ARHGAP15: variants seen among roughly 807,000 people sequenced by gnomAD.
ARHGAP15 encodes the protein Rho GTPase activating protein 15.
ARHGAP15 carries 51 observed loss-of-function variants against 63.7 expected under a neutral mutation model. The observed-to-expected ratio is 0.80, with a 90% CI of 0.64 to 1.01. ARHGAP15 has a LOEUF of 1.01. Ranked by LOEUF, ARHGAP15 falls within the 50% of genes least tolerant of loss-of-function variation. The probability of loss-of-function intolerance (pLI) is 0.00; values close to 1 mark genes in which losing one functional copy is unlikely to be tolerated. For synonymous variants in ARHGAP15, 191 were observed against 193.8 expected (o/e 0.99, Z 0.12); for missense variants, 560 against 564.6 (o/e 0.99, Z 0.08).
chr2:143,306,043 A>G (rs1683153950), intron 6 of ARHGAP15, among the ~76,000 whole-genome samples: 1 of 152,116 alleles, frequency 6.6e-6, no homozygotes, highest in Non-Finnish European at 1.5e-5. Context: ...TTGTTTTTTA[A>G]TTTTGGAAAA....
intron 2 of ARHGAP15, among the ~76,000 whole-genome samples, chr2:143,168,587 T>C (rs541362803): frequency 6.7e-6 from 1 of 150,012 alleles, no homozygotes; most frequent in African/African-American, 2.4e-5. Context: ...GGTGTTCTCT[T>C]GTCATCAAGT....
At chr2:143,234,773 A>G (rs1208457696) in intron 5 of ARHGAP15, among the ~76,000 whole-genome samples, 1 of 152,172 alleles carries the variant, frequency 6.6e-6, no homozygotes, top group Non-Finnish European at 1.5e-5. Context: ...TGATTGACCA[A>G]AGCTCAAATG....
chr2:143,559,962 A>T (rs1359279016), intron 11 of ARHGAP15, among the ~76,000 whole-genome samples: 1 of 152,234 alleles, frequency 6.6e-6, no homozygotes, highest in South Asian at 2.1e-4. Context: ...GGCTCTAAAT[A>T]TACATTTTTA....
At chr2:143,761,159 G>A (rs13392176) in intron 13 of ARHGAP15, among the ~76,000 whole-genome samples, 3,167 of 152,166 alleles carry the variant, frequency 0.021, 127 homozygotes, top group African/African-American at 0.073. Context: ...GATCCCCCCC[G>A]AAATAGTTAT....
Position 143,312,772 on chromosome 2 carries a change from T to G in ARHGAP15, c.474+62172T>G, listed in dbSNP as rs140707037. 2.3e-3 allele frequency among the ~76,000 whole-genome samples: 355 copies of G among 152,304 alleles called. 2 individuals are homozygous for G. Among genetic ancestry groups the G allele is most frequent in the African/African-American group, 8.1e-3 (337 of 41,584 alleles). Reference sequence around the variant, plus strand: ...TTTGGGGTAATATTCCACAGCTAATTATTACATGAGAAATTCAGTTTCCAA... The same window carrying G: ...TTTGGGGTAATATTCCACAGCTAATGATTACATGAGAAATTCAGTTTCCAA... On this transcript the variant is annotated intron_variant, in intron 6 of 13. Transcript: ENST00000295095.
chr2:143,205,255 T>TAA (rs71301732), intron 3 of ARHGAP15, among the ~76,000 whole-genome samples: 2,887 of 85,390 alleles, frequency 0.034, 52 homozygotes, highest in African/African-American at 0.046. Context: ...CAGAGAGAGA[T>TAA]AAAAAAAAAA....
At chr2:143,156,861 C>A (rs947408831) in intron 2 of ARHGAP15, among the ~76,000 whole-genome samples, 6 of 151,930 alleles carry the variant, frequency 3.9e-5, no homozygotes, top group African/African-American at 9.7e-5. Flanking sequence ...CCTGACTTTG[C>A]TTTTAAACCA....
intron 6 of ARHGAP15, among the ~76,000 whole-genome samples, chr2:143,389,079 T>C (rs1687426220): frequency 7.4e-6 from 1 of 135,736 alleles, no homozygotes; most frequent in Non-Finnish European, 1.6e-5. Context: ...TAGCTTAATA[T>C]TTCTATTTTC....
At chr2:143,393,767 G>A (rs981878390) in intron 6 of ARHGAP15, among the ~76,000 whole-genome samples, 1 of 149,754 alleles carries the variant, frequency 6.7e-6, no homozygotes, top group African/African-American at 2.5e-5. Flanking sequence ...GAAATTTGGA[G>A]GAAGGACATT....
At chr2:143,620,936 A>T (rs537251666) in intron 11 of ARHGAP15, among the ~76,000 whole-genome samples, 1 of 152,332 alleles carries the variant, frequency 6.6e-6, no homozygotes, top group Non-Finnish European at 1.5e-5. Context: ...AGGTCATATT[A>T]AGGAAATATC....
At chr2:143,278,396 C>T (rs1282835083) in intron 6 of ARHGAP15, among the ~76,000 whole-genome samples, 3 of 152,042 alleles carry the variant, frequency 2.0e-5, no homozygotes, top group African/African-American at 4.8e-5. Context: ...CTATAACCTG[C>T]GAGAGGAATG....
chr2:143,329,406 G>A (rs896418522), intron 6 of ARHGAP15, among the ~76,000 whole-genome samples: 1 of 152,192 alleles, frequency 6.6e-6, no homozygotes, highest in African/African-American at 2.4e-5. Context: ...TATGTTCTGA[G>A]TATGGAGAGG....
rs756369619 is a variant in ARHGAP15 at position 143,693,733 on chromosome 2, A to G, written c.1139-9686A>G. ...GTCATTAGGACGTTGATAGTTAGGGATAGAATCCAAGCATCTTATAAAAGA... is the reference window on the plus strand; with the variant it reads ...GTCATTAGGACGTTGATAGTTAGGGGTAGAATCCAAGCATCTTATAAAAGA... On this transcript the variant is annotated intron_variant, in intron 12 of 13. Transcript: ENST00000295095. 4.4e-4 allele frequency among the ~76,000 whole-genome samples: 67 copies of G among 152,208 alleles called. 1 individual carries two copies. Among genetic ancestry groups the G allele is most frequent in the Admixed American group, 3.3e-4 (5 of 15,282 alleles).
Position 143,554,971 on chromosome 2 carries a change from CAG to C in ARHGAP15, c.926-1434_926-1433del, listed in dbSNP as rs1470810427. ...ACAATTTATAGTTCTCAGGAAGAGACAGAGTCTCAGTAATTTCTTAGATTATT... is the reference window on the plus strand; with the variant it reads ...ACAATTTATAGTTCTCAGGAAGAGACAGTCTCAGTAATTTCTTAGATTATT... On this transcript the variant is annotated intron_variant, in intron 10 of 13. Transcript: ENST00000295095. Among the ~76,000 whole-genome samples the C allele has an allele frequency of 2.6e-5, 4 of 152,140 alleles. No homozygotes were observed. In the East Asian group the frequency reaches 7.7e-4, roughly 29 times the overall value.
intron 9 of ARHGAP15, 23 bp from the exon 10 acceptor site, chr2:143,519,243 G>A: frequency 3.9e-6 from 6 of 1,550,846 alleles, no homozygotes; most frequent in Non-Finnish European, 5.3e-6. Context: ...TTTTAATGAA[G>A]CTCATCTTTG....
At position 143,137,818 on chromosome 2, in the gene ARHGAP15, T is replaced by C. The variant is rs554468039; in HGVS notation, c.-15+8352T>C. Among the ~76,000 whole-genome samples the C allele has an allele frequency of 2.3e-3, 356 of 152,240 alleles. 2 individuals carry two copies. The highest frequency in any genetic ancestry group is 8.3e-3 in the African/African-American group (345 of 41,568). On this transcript the variant is annotated intron_variant, in intron 1 of 13. Transcript: ENST00000295095. ...AGGGAAACTTCCGTTTCTGTTCATT[T>C]ATCTTTCTGCTTTAGTTAATTTCAT...
At chr2:143,412,767 CCT>C (rs1688499778) in intron 6 of ARHGAP15, among the ~76,000 whole-genome samples, 1 of 152,032 alleles carries the variant, frequency 6.6e-6, no homozygotes, top group Admixed American at 6.6e-5. Flanking sequence ...TACAGCTTCT[CCT>C]CTCTCTCCTC....
chr2:143,602,188 G>A (rs967275923), intron 11 of ARHGAP15, among the ~76,000 whole-genome samples: 6 of 152,060 alleles, frequency 3.9e-5, no homozygotes, highest in Non-Finnish European at 5.9e-5. Flanking sequence ...TCATGTACAC[G>A]TTACAAAAAT....
rs77589517 is a variant in ARHGAP15, at chr2:143,155,285, C to T, written c.-14-192C>T. Among the ~76,000 whole-genome samples the T allele has an allele frequency of 1.6e-3, 245 of 151,944 alleles. 3 individuals are homozygous for T. Among genetic ancestry groups the T allele is most frequent in the Admixed American group, 0.012 (180 of 15,244 alleles). ...CTGAAGTCCTCTGTTATGTATAGTG[C>T]TATCCACATGTAAAGGTCCCAACTG... On this transcript the variant is annotated intron_variant, in intron 1 of 13. Transcript: ENST00000295095.
Sources: gnomAD v4.1 joint callset for allele counts (sites outside exome capture counted in the v4.1 genomes callset) on GRCh38, gnomAD v4.1.1 for gene constraint, MANE v1.5 for transcripts, NCBI Gene and HGNC (gene_info 2026-07-23, HGNC 2026-07-21) for gene names.